Variants in SPOCK1 observed in about 807,000 individuals in gnomAD.
The protein encoded by SPOCK1 is SPARC (osteonectin), cwcv and kazal like domains proteoglycan 1.
In SPOCK1, 23 loss-of-function variants were observed where a neutral mutation model predicts 55.3. That is an observed-to-expected ratio of 0.42 (90% confidence interval 0.30 to 0.59). The LOEUF is 0.59. Among genes scored for constraint, SPOCK1 ranks in the 20% least tolerant of loss-of-function variants. SPOCK1 has a pLI of 0.22. For missense variants in SPOCK1, 499 were observed against 552.5 expected, an observed-to-expected ratio of 0.90 and a Z score of 0.97; for synonymous variants, 226 against 221.0, an observed-to-expected ratio of 1.02 and a Z score of -0.20.
chr5:136,986,845 T>G (rs1372394690), intron 8 of SPOCK1, among the ~76,000 whole-genome samples: 1 of 152,188 alleles, frequency 6.6e-6, no homozygotes, highest in African/African-American at 2.4e-5. Context: ...TATTGATTTT[T>G]ATTTGATTAA....
chr5:137,302,423 A>AG (rs1757614491), intron 2 of SPOCK1, among the ~76,000 whole-genome samples: 2 of 150,196 alleles, frequency 1.3e-5, no homozygotes. Flanking sequence ...CAAAAAAAAA[A>AG]AAAATTAGCC....
chr5:136,988,990 A>T (rs749684193), intron 7 of SPOCK1, among the ~76,000 whole-genome samples: 1 of 152,226 alleles, frequency 6.6e-6, no homozygotes, highest in Non-Finnish European at 1.5e-5. Flanking sequence ...GGTATAGCTT[A>T]TGGTACCAAA....
At position 137,227,315 on chromosome 5, in the gene SPOCK1, A is replaced by G. The variant is rs551333357; in HGVS notation, c.232+39695T>C. 1.6e-4 allele frequency among the ~76,000 whole-genome samples: 24 copies of G among 152,356 alleles called. No individual in the cohort carries two copies. In the South Asian group the frequency reaches 4.1e-3, roughly 26 times the overall value. ...AGAAAGCAAGGAGTAGGCCAGTCTT[A>G]GAAACTGTACCTTAATCCATTTGAG... On this transcript the variant is annotated intron_variant, in intron 3 of 10. Coordinates refer to ENST00000394945, the MANE Select transcript of SPOCK1 (RefSeq NM_004598.4).
At chr5:137,470,443 C>T (rs1753712444) in intron 2 of SPOCK1, among the ~76,000 whole-genome samples, 1 of 152,144 alleles carries the variant, frequency 6.6e-6, no homozygotes, top group Non-Finnish European at 1.5e-5. Context: ...GAGGCTGTCC[C>T]CACACTGTGG....
chr5:137,272,049 G>T (rs1756974822), intron 2 of SPOCK1, among the ~76,000 whole-genome samples: 1 of 152,216 alleles, frequency 6.6e-6, no homozygotes, highest in Non-Finnish European at 1.5e-5. Flanking sequence ...TCATTTTGGA[G>T]TTGTCTGTGG....
chr5:137,373,244 T>C (rs1751241158), intron 2 of SPOCK1, among the ~76,000 whole-genome samples: 1 of 152,190 alleles, frequency 6.6e-6, no homozygotes, highest in Non-Finnish European at 1.5e-5. Context: ...TGCTACCAAC[T>C]GTACTGTGAG....
intron 4 of SPOCK1, among the ~76,000 whole-genome samples, chr5:137,118,930 A>G (rs1028622149): frequency 6.6e-6 from 1 of 152,202 alleles, no homozygotes; most frequent in Non-Finnish European, 1.5e-5. Flanking sequence ...TCGTGTGGCT[A>G]CTACATGCCG....
chr5:137,284,311 C>A (rs945641711), intron 2 of SPOCK1, among the ~76,000 whole-genome samples: 5 of 152,214 alleles, frequency 3.3e-5, no homozygotes, highest in African/African-American at 9.7e-5. Flanking sequence ...CCGACTCAGA[C>A]CCATACAACC....
At chr5:137,121,950 T>TTA (rs10645733) in intron 4 of SPOCK1, among the ~76,000 whole-genome samples, 9,259 of 145,466 alleles carry the variant, frequency 0.064, 1,015 homozygotes, top group African/African-American at 0.22. Context: ...TTATATATGA[T>TTA]TATATATATA....
intron 2 of SPOCK1, among the ~76,000 whole-genome samples, chr5:137,486,188 T>TCCTGTTGG (rs1185612868): frequency 6.6e-6 from 1 of 152,210 alleles, no homozygotes; most frequent in African/African-American, 2.4e-5. Flanking sequence ...GCCAGCACCT[T>TCCTGTTGG]CCTGTTGGCC....
At chr5:137,308,353 A>G (rs1757733898) in intron 2 of SPOCK1, among the ~76,000 whole-genome samples, 1 of 152,172 alleles carries the variant, frequency 6.6e-6, no homozygotes, top group Admixed American at 6.5e-5. Context: ...AGAGAAAAGC[A>G]TTTCTCATTC....
intron 2 of SPOCK1, among the ~76,000 whole-genome samples, chr5:137,427,546 A>G (rs1752658835): frequency 6.6e-6 from 1 of 152,128 alleles, no homozygotes; most frequent in South Asian, 2.1e-4. Context: ...CAGGCCAAAG[A>G]TCTCAGAACT....
chr5:137,289,261 C>A (rs2905557), intron 2 of SPOCK1, among the ~76,000 whole-genome samples: 71,921 of 152,064 alleles, frequency 0.47, 17,227 homozygotes, highest in Admixed American at 0.49. Context: ...TGTATTTTAA[C>A]CCTTACCTCC....
At chr5:137,092,278 A>C (rs1440331445) in intron 5 of SPOCK1, among the ~76,000 whole-genome samples, 1 of 152,226 alleles carries the variant, frequency 6.6e-6, no homozygotes, top group African/African-American at 2.4e-5. Flanking sequence ...AAAAAAAGAT[A>C]CATGGTGCTG....
chr5:137,304,746 T>C (rs7705779), intron 2 of SPOCK1, among the ~76,000 whole-genome samples: 15,040 of 152,086 alleles, frequency 0.099, 1,673 homozygotes, highest in African/African-American at 0.27. Flanking sequence ...AGGGCCTCTC[T>C]ACAGAGAGGA....
intron 2 of SPOCK1, among the ~76,000 whole-genome samples, chr5:137,297,121 A>G (rs752966113): frequency 1.5e-4 from 23 of 152,240 alleles, no homozygotes; most frequent in Non-Finnish European, 3.4e-4. Flanking sequence ...TTAAGCTTCA[A>G]TTAAAGAGGG....
intron 6 of SPOCK1, among the ~76,000 whole-genome samples, chr5:137,067,061 C>T (rs1307851663): frequency 6.6e-6 from 1 of 151,616 alleles, no homozygotes; most frequent in African/African-American, 2.4e-5. Flanking sequence ...AGCTGAATTC[C>T]ACAGAAGGCA....
At chr5:137,136,252 G>C (rs1753982325) in intron 4 of SPOCK1, among the ~76,000 whole-genome samples, 1 of 152,146 alleles carries the variant, frequency 6.6e-6, no homozygotes, top group East Asian at 1.9e-4. Flanking sequence ...TTAGGTCTAC[G>C]ACTCATTTCA....
rs544933594 is a variant in SPOCK1 at position 137,498,266 on chromosome 5, C to CCACACA, written c.186+101_186+106dup. 5.8e-3 allele frequency: 4,643 copies of CCACACA among 795,890 alleles called. 47 individuals carry two copies. The highest frequency in any genetic ancestry group is 0.044 in the African/African-American group (2,287 of 51,562). 49.3% of individuals were successfully genotyped at this position (795,890 alleles called of 1,614,324 possible). On this transcript the variant is annotated intron_variant, in intron 2 of 10. Transcript: ENST00000394945. ...AGATGCCCACCTGTCCCCCTCCCAA[C>CCACACA]CACACACACACACACACACACACAC...
Sources: gnomAD v4.1 joint callset for allele counts (sites outside exome capture counted in the v4.1 genomes callset) on GRCh38, gnomAD v4.1.1 for gene constraint, MANE v1.5 for transcripts, NCBI Gene and HGNC (gene_info 2026-07-23, HGNC 2026-07-21) for gene names.